Variants in RNF123 observed in about 807,000 individuals in gnomAD.
RNF123 encodes ring finger protein 123.
Under a neutral mutation model 168.5 loss-of-function variants are expected in RNF123, and 86 were observed. That is an observed-to-expected ratio of 0.51 (90% CI 0.43 to 0.61). The LOEUF (loss-of-function observed/expected upper bound fraction) is 0.61. RNF123 is among the 20% of genes least tolerant of loss of function. The pLI is 0.00. For synonymous variants in RNF123, 666 were observed against 689.1 expected (o/e 0.97, Z 0.52); for missense variants, 1,419 against 1,729.7 (o/e 0.82, Z 3.19).
intron 18 of RNF123, 83 bp from the exon 19 acceptor site, chr3:49,702,251 T>C: frequency 6.3e-7 from 1 of 1,587,930 alleles, no homozygotes; most frequent in East Asian, 2.2e-5. Flanking sequence ...TGGCAGGGGC[T>C]GGGGGAAGGT....
chr3:49,705,382 C>A, intron 23 of RNF123, 152 bp from the exon 24 acceptor site: 1 of 1,258,092 alleles, frequency 7.9e-7, no homozygotes, highest in African/African-American at 1.5e-5. Context: ...CCTTGCCCTG[C>A]ACTCCACCCC....
At chr3:49,698,325 C>A in intron 7 of RNF123, 115 bp from the exon 8 acceptor site, 2 of 1,001,608 alleles carry the variant, frequency 2.0e-6, no homozygotes, top group Admixed American at 2.0e-5. Flanking sequence ...TACTCTTTCC[C>A]TCAGATCATC....
In RNF123 at chr3:49,708,707, G is replaced by A. The variant is rs372022358; in HGVS notation, c.2496+1809G>A. ...AGCATAATGTCCTCAAGGTTCATTC[G>A]TGTTATAGCATGTGTCAGAATTTCT... is the stretch of plus-strand genomic sequence containing the variant. On this transcript the variant is annotated intron_variant, in intron 26 of 38. Coordinates refer to ENST00000327697, the MANE Select transcript of RNF123 (RefSeq NM_022064.5). 2.1e-3 allele frequency among the ~76,000 whole-genome samples: 323 copies of A among 152,304 alleles called. 9 individuals carry two copies. In the South Asian group the frequency reaches 0.063, roughly 30 times the overall value.
Position 49,692,456 on chromosome 3 carries a change from C to T in RNF123, c.167+947C>T, listed in dbSNP as rs559151429. Among the ~76,000 whole-genome samples, 8 of 152,288 alleles carry T rather than the reference C, an allele frequency of 5.3e-5. No individual in the cohort carries two copies. The East Asian group carries it at 1.2e-3, about 22-fold the overall frequency. On this transcript the variant is annotated intron_variant, in intron 3 of 38. Coordinates refer to ENST00000327697, the MANE Select transcript of RNF123 (RefSeq NM_022064.5). ...ACATCATGGTAAATGGGGTATCCAT[C>T]CCCTCAAGCATTTATCTTTTGTCTT...
At chr3:49,706,111 C>T in intron 25 of RNF123, 46 bp downstream of exon 25, 9 of 1,527,126 alleles carry the variant, frequency 5.9e-6, no homozygotes, top group Non-Finnish European at 8.2e-6. Context: ...CTTACTCGTA[C>T]AGGTAACCAC....
chr3:49,719,729 G>A, intron 35 of RNF123: 1 of 421,760 alleles, frequency 2.4e-6, no homozygotes, highest in Non-Finnish European at 4.4e-6. Context: ...CCCAGGGGCG[G>A]GGCCCGGGCT....
intron 15 of RNF123, 54 bp downstream of exon 15, chr3:49,700,763 G>A: frequency 6.3e-7 from 1 of 1,580,430 alleles, no homozygotes; most frequent in Non-Finnish European, 8.7e-7. Context: ...TCTGGACTCA[G>A]CAGAGGCCAG....
rs1185240473 is a variant in RNF123, at chr3:49,719,022, C to T, written c.3501-1489C>T. 1.9e-6 allele frequency: 3 copies of T among 1,613,898 alleles called. No individual in the cohort carries two copies. In the Admixed American group the frequency reaches 5.0e-5, roughly 27 times the overall value. ...GCAGGCCGTGGAAGGCATGCTCGTC[C>T]AAGTGCACCAAGCGGTTATTGAACA... On this transcript the variant is annotated intron_variant, in intron 35 of 38. Transcript: ENST00000327697.
chr3:49,696,572 C>T (rs1453660250), intron 3 of RNF123, among the ~76,000 whole-genome samples: 6 of 150,904 alleles, frequency 4.0e-5, no homozygotes, highest in East Asian at 3.9e-4. Context: ...CTACTGACCT[C>T]GTGATCTGCC....
chr3:49,713,495 C>T lies in RNF123; in HGVS notation c.2675-18C>T. 2.5e-6 allele frequency: 4 copies of T among 1,598,204 alleles called. No individual in the cohort carries two copies. The South Asian group carries it at 4.5e-5, about 18-fold the overall frequency. On this transcript the variant is annotated intron_variant, in intron 27 of 38. Transcript: ENST00000327697. ...GCCCCCACTCCCAGCCGACACGTCTCACTTCCCACCCTTGCAGGCTATGAA... is the reference window on the plus strand; with the variant it reads ...GCCCCCACTCCCAGCCGACACGTCTTACTTCCCACCCTTGCAGGCTATGAA...
At chr3:49,690,095 TG>T (rs1401700227) in intron 1 of RNF123, among the ~76,000 whole-genome samples, 1 of 150,230 alleles carries the variant, frequency 6.7e-6, no homozygotes, top group Non-Finnish European at 1.5e-5. Context: ...GCAGGCGTGG[TG>T]CAGACCCACA....
chr3:49,705,172 C>T lies in RNF123; in HGVS notation c.2148C>T (p.Thr716=). The change falls in exon 23 of 39, where the codon ACC becomes ACT. Residue 716 remains threonine, a synonymous_variant. Coordinates refer to ENST00000327697, the MANE Select transcript of RNF123 (RefSeq NM_022064.5). The part of the protein sequence containing the change: ...KVRTLSVEQR[T]REDIEGSHWN... ...GCACGCTGAGCGTGGAGCAGAGGACCCGTGAGGACAGTAGGTGCTTGGTGG... is the reference window on the plus strand; with the variant it reads ...GCACGCTGAGCGTGGAGCAGAGGACTCGTGAGGACAGTAGGTGCTTGGTGG... 6.2e-7 allele frequency: 1 copy of T among 1,602,510 alleles called. No individual in the cohort carries two copies. The highest frequency in any genetic ancestry group is 8.5e-7 in the Non-Finnish European group (1 of 1,174,306).
intron 35 of RNF123, 96 bp from the exon 36 acceptor site, chr3:49,720,415 A>G: frequency 1.6e-6 from 2 of 1,268,768 alleles, no homozygotes; most frequent in Non-Finnish European, 2.1e-6. Context: ...GGGGGTGATC[A>G]TGTACGAGCC....
intron 3 of RNF123, 94 bp from the exon 4 acceptor site, chr3:49,697,048 GC>G (rs754228157): frequency 5.8e-6 from 6 of 1,032,758 alleles, no homozygotes; most frequent in Non-Finnish European, 9.0e-6. Context: ...AGTCTAGGCA[GC>G]CCCCCTGTGA....
In RNF123 at chr3:49,698,760, G is replaced by C. The variant is rs746481963; in HGVS notation, c.576G>C (p.Trp192Cys). 3.7e-6 allele frequency: 6 copies of C among 1,613,664 alleles called. No homozygotes were observed. Among genetic ancestry groups the C allele is most frequent in the Non-Finnish European group, 5.1e-6 (6 of 1,179,878 alleles). ...GAGGCCTCCTCTCATGGCAGGCGTG[G>C]GCAGCGGGGGACATCGTGAGCTGCC... The part of the protein sequence containing the change: ...NVTTTNYGKA[W>C]AAGDIVSCLI... The change falls in exon 9 of 39, where the codon TGG becomes TGC. Residue 192 changes from tryptophan to cysteine, a missense_variant. Trp to Cys is a radical substitution (Grantham distance 215). Around this residue, in one of 5 missense-constraint regions of RNF123, gnomAD observed 318 missense variants for 446.6 expected, o/e 0.71. Coordinates refer to ENST00000327697, the MANE Select transcript of RNF123 (RefSeq NM_022064.5).
intron 1 of RNF123, among the ~76,000 whole-genome samples, chr3:49,690,360 T>C (rs2054119890): frequency 6.6e-6 from 1 of 152,216 alleles, no homozygotes; most frequent in East Asian, 1.9e-4. Context: ...TTTAAAACTT[T>C]AAATTTAAGT....
Position 49,713,800 on chromosome 3 carries a change from G to T in RNF123, c.2812G>T (p.Ala938Ser), listed in dbSNP as rs1424655720. ...CGTGTGCTACCCACACTCCCTGCGG[G>T]CTGTGGAGCGAATCCCCGAGGAGCA... ...SYVCYPHSLR[A>S]VERIPEEQRI... Residue 938 changes from alanine to serine, a missense_variant, in exon 29 of 39, where the codon GCT becomes TCT. By Grantham distance (99) the Ala-to-Ser change is moderately conservative. Coordinates refer to ENST00000327697, the MANE Select transcript of RNF123 (RefSeq NM_022064.5). The T allele has an allele frequency of 6.2e-7, 1 of 1,612,738 alleles. No individual in the cohort carries two copies. The highest frequency in any genetic ancestry group is 1.7e-5 in the Admixed American group (1 of 59,938).
chr3:49,698,944 C>G, intron 9 of RNF123, 36 bp from the exon 10 acceptor site: 1 of 1,611,962 alleles, frequency 6.2e-7, no homozygotes, highest in Non-Finnish European at 8.5e-7. Context: ...CAGCCACATG[C>G]TTAGCACTGG....
At chr3:49,700,937 C>T (rs746115563) in intron 15 of RNF123, among the ~76,000 whole-genome samples, 1 of 152,270 alleles carries the variant, frequency 6.6e-6, no homozygotes, top group Non-Finnish European at 1.5e-5. Flanking sequence ...TCGGGCTACG[C>T]AGAGGTGTGG....
Sources: gnomAD v4.1 joint callset for allele counts (sites outside exome capture counted in the v4.1 genomes callset) on GRCh38, gnomAD v4.1.1 for gene constraint, gnomAD v4.1.1 regional missense constraint, MANE v1.5 for transcripts, NCBI Gene and HGNC (gene_info 2026-07-23, HGNC 2026-07-21) for gene names.